The following RTL10 variants were observed in gnomAD, a reference collection of about 807,000 sequenced individuals.
RTL10 encodes protein Bop.
For synonymous variants in RTL10, 199 were observed against 188.4 expected (o/e 1.06, Z -0.46); for missense variants, 477 against 470.7 (o/e 1.01, Z -0.12).
Position 19,850,973 on chromosome 22 carries a change from G to A in RTL10, c.*194C>T, listed in dbSNP as rs891472316. On this transcript the variant is annotated 3_prime_UTR_variant, in exon 3 of 3. Coordinates refer to ENST00000328554, the MANE Select transcript of RTL10 (RefSeq NM_024627.6). ...CAGCAGCAGGGAAAGGGCACAGGGC[G>A]GAGGTCAAGCTCTGCTGGAGTTGGG... 2.6e-5 allele frequency: 37 copies of A among 1,406,114 alleles called. No homozygotes were observed. The highest frequency in any genetic ancestry group is 2.3e-4 in the East Asian group (9 of 39,122). 87.1% of individuals were successfully genotyped at this position (1,406,114 alleles called of 1,614,324 possible). A position where few individuals can be genotyped will look rare whatever the true frequency, so the allele number is the denominator to read the frequency against.
Position 19,849,560 on chromosome 22 carries a change from T to G in RTL10, c.*1607A>C, listed in dbSNP as rs1938047125. 1 of 419,418 alleles carries G rather than the reference T, an allele frequency of 2.4e-6. No homozygotes were observed. The highest frequency in any genetic ancestry group is 6.4e-5 in the Admixed American group (1 of 15,588). 26.0% of individuals were successfully genotyped at this position (419,418 alleles called of 1,614,324 possible). On this transcript the variant is annotated 3_prime_UTR_variant, in exon 3 of 3. Coordinates refer to ENST00000328554, the MANE Select transcript of RTL10 (RefSeq NM_024627.6). ...ATTTTGTATTTTTAGGAGAGATGGATTTCTCCATGCTGGTCAGGCTGGTCT... is the reference window on the plus strand; with the variant it reads ...ATTTTGTATTTTTAGGAGAGATGGAGTTCTCCATGCTGGTCAGGCTGGTCT...
chr22:19,854,199 G>A (rs1601361603), intron 2 of RTL10, among the ~76,000 whole-genome samples: 2 of 152,274 alleles, frequency 1.3e-5, no homozygotes, highest in African/African-American at 4.8e-5. Context: ...TTCTAGACTG[G>A]ACAGCACTAT....
chr22:19,847,494 C>T lies in RTL10; in HGVS notation c.*3673G>A, dbSNP rs1176266829. 3 of 985,294 alleles carry T rather than the reference C, an allele frequency of 3.0e-6. No homozygotes were observed. The African/African-American group carries it at 5.2e-5, about 17-fold the overall frequency. 61.0% of individuals were successfully genotyped at this position (985,294 alleles called of 1,614,324 possible). ...ATTCTCATTCAACCCTTCTAACCAC[C>T]CCATGAGGAAAAACTCTGGTCACAG... On this transcript the variant is annotated 3_prime_UTR_variant, in exon 3 of 3. Transcript: ENST00000328554.
In RTL10 at chr22:19,852,219, T is replaced by C. The variant is rs965973278; in HGVS notation, c.43A>G (p.Ile15Val). 6.2e-7 allele frequency: 1 copy of C among 1,613,086 alleles called. No individual in the cohort carries two copies. The highest frequency in any genetic ancestry group is 2.2e-5 in the East Asian group (1 of 44,856). ...RCRQQGPRIP[I>V]WAAANYANAH... ...TTGGCATAATTGGCGGCTGCCCAGA[T>C]GGGAATGCGAGGGCCCTGCTGACGG... Residue 15 changes from isoleucine (I) to valine (V), a missense_variant, in exon 3 of 3, where the codon ATC becomes GTC. Transcript: ENST00000328554.
Position 19,851,039 on chromosome 22 carries a change from T to C in RTL10, c.*128A>G, listed in dbSNP as rs549324793. On this transcript the variant is annotated 3_prime_UTR_variant, in exon 3 of 3. Coordinates refer to ENST00000328554, the MANE Select transcript of RTL10 (RefSeq NM_024627.6). ...CAGCGCAGAGTCCAAAACAAGCGCA[T>C]CTTGCCCAGCTATGGGGTCTGAAGT... The C allele has an allele frequency of 1.5e-4, 223 of 1,446,106 alleles. No homozygotes were observed. The African/African-American group carries it at 3.0e-3, about 19-fold the overall frequency. The allele number at this position is 1,446,106 out of a possible 1,614,324, so 89.6% of individuals were successfully genotyped here.
rs1938082447 is a variant in RTL10, at chr22:19,851,078, C to T, written c.*89G>A. The T allele has an allele frequency of 1.4e-6, 2 of 1,470,516 alleles. No individual in the cohort carries two copies. The highest frequency in any genetic ancestry group is 1.4e-5 in the African/African-American group (1 of 70,428). 91.1% of individuals were successfully genotyped at this position (1,470,516 alleles called of 1,614,324 possible). On this transcript the variant is annotated 3_prime_UTR_variant, in exon 3 of 3. Coordinates refer to ENST00000328554, the MANE Select transcript of RTL10 (RefSeq NM_024627.6). ...GGGGTCTGAAGTCATCTGGGGACACCACTCTGCTCTGACTGGGGACTATGG... is the reference window on the plus strand; with the variant it reads ...GGGGTCTGAAGTCATCTGGGGACACTACTCTGCTCTGACTGGGGACTATGG...
In RTL10 at chr22:19,851,917, G is replaced by A; in HGVS notation, c.345C>T (p.Asp115=). 1 of 1,614,120 alleles carries A rather than the reference G, an allele frequency of 6.2e-7. No homozygotes were observed. Among genetic ancestry groups the A allele is most frequent in the Non-Finnish European group, 8.5e-7 (1 of 1,180,008 alleles). Residue 115 remains aspartate, a synonymous_variant, in exon 3 of 3, where the codon GAC becomes GAT. Transcript: ENST00000328554. ...AATCGCCCAGCTGGGCCAAGAAGCG[G>A]TCCAGTAGCCACGGGGAGCCATCAA... The part of the protein sequence containing the change: ...GTFDGSPWLL[D]RFLAQLGDYM...
At position 19,851,455 on chromosome 22, in the gene RTL10, C is replaced by A; in HGVS notation, c.807G>T (p.Glu269Asp). 2 of 1,614,098 alleles carry A rather than the reference C, an allele frequency of 1.2e-6. No individual in the cohort carries two copies. The highest frequency in any genetic ancestry group is 1.7e-6 in the Non-Finnish European group (2 of 1,180,016). Residue 269 changes from glutamate (E) to aspartate (D), a missense_variant, in exon 3 of 3, where the codon GAG (glutamate) becomes GAT (aspartate). Coordinates refer to ENST00000328554, the MANE Select transcript of RTL10 (RefSeq NM_024627.6). ...LTKESTPGPK[E>D]PPVLPSSTCS... ...ATGTAGAACTGGGCAGGACTGGGGGCTCCTTGGGCCCAGGGGTGCTCTCCT... is the reference window on the plus strand; with the variant it reads ...ATGTAGAACTGGGCAGGACTGGGGGATCCTTGGGCCCAGGGGTGCTCTCCT...
rs531844094 is a variant in RTL10, at chr22:19,854,555, C to G, written c.-322-16G>C. The G allele has an allele frequency of 2.0e-5, 3 of 152,900 alleles. No homozygotes were observed. The highest frequency in any genetic ancestry group is 1.9e-4 in the East Asian group (1 of 5,176). The allele number at this position is 152,900 out of a possible 1,614,324, so 9.5% of individuals were successfully genotyped here. On this transcript the variant is annotated splice_polypyrimidine_tract_variant and intron_variant, in intron 1 of 2. Coordinates refer to ENST00000328554, the MANE Select transcript of RTL10 (RefSeq NM_024627.6). The stretch of plus-strand genomic sequence containing the variant: ...CAGGCGCCACCTAGAAAGTGGAGAA[C>G]GAGATCGGCCGCCGTGAGGCCAGGC...
chr22:19,847,819 A>G lies in RTL10; in HGVS notation c.*3348T>C. ...GAATCATAGGCAAAAAAAAAAAAAA[A>G]AAAAAATTCACCCATATTTTCCTCT... On this transcript the variant is annotated 3_prime_UTR_variant, in exon 3 of 3. Coordinates refer to ENST00000328554, the MANE Select transcript of RTL10 (RefSeq NM_024627.6). The G allele has an allele frequency of 1.1e-6, 1 of 943,638 alleles. No individual in the cohort carries two copies. The highest frequency in any genetic ancestry group is 1.3e-6 in the Non-Finnish European group (1 of 793,212). 58.5% of individuals were successfully genotyped at this position (943,638 alleles called of 1,614,324 possible).
In RTL10 at chr22:19,850,742, A is replaced by G. The variant is rs1044431441; in HGVS notation, c.*425T>C. On this transcript the variant is annotated 3_prime_UTR_variant, in exon 3 of 3. Coordinates refer to ENST00000328554, the MANE Select transcript of RTL10 (RefSeq NM_024627.6). The stretch of plus-strand genomic sequence containing the variant: ...GACAGACACAGAAACCCCATACAGG[A>G]ACGAGGTCCCAACAGGGCAGACGTG... 15 of 1,241,230 alleles carry G rather than the reference A, an allele frequency of 1.2e-5. No homozygotes were observed. The highest frequency in any genetic ancestry group is 1.5e-5 in the Non-Finnish European group (15 of 994,384). 76.9% of individuals were successfully genotyped at this position (1,241,230 alleles called of 1,614,324 possible). A position where few individuals can be genotyped will look rare whatever the true frequency, so the allele number is the denominator to read the frequency against.
rs148256752 is a variant in RTL10, at chr22:19,848,134, CTATTT to C, written c.*3028_*3032del. ...CATAGGACCTTATCCTTAGTACTTC[CTATTT>C]TAAAGTTTTCCTTGCAGACAGGTAC... On this transcript the variant is annotated 3_prime_UTR_variant, in exon 3 of 3. Transcript: ENST00000328554. 6.0e-3 allele frequency: 5,871 copies of C among 985,218 alleles called. 239 individuals are homozygous for C. The African/African-American group carries it at 0.089, about 15-fold the overall frequency. The allele number at this position is 985,218 out of a possible 1,614,324, so 61.0% of individuals were successfully genotyped here.
rs1348849430 is a variant in RTL10 at position 19,854,497 on chromosome 22, C to T, written c.-280G>A. On this transcript the variant is annotated 5_prime_UTR_variant, in exon 2 of 3. Coordinates refer to ENST00000328554, the MANE Select transcript of RTL10 (RefSeq NM_024627.6). The stretch of plus-strand genomic sequence containing the variant: ...GGTCCTGGGATCCGTAGCCACAGAC[C>T]GTGGGACGGGCCTCCCTCTGAGGGC... 6.5e-6 allele frequency: 1 copy of T among 152,702 alleles called. No individual in the cohort carries two copies. Among genetic ancestry groups the T allele is most frequent in the African/African-American group, 2.4e-5 (1 of 41,462 alleles). 9.5% of individuals were successfully genotyped at this position (152,702 alleles called of 1,614,324 possible). A position where few individuals can be genotyped will look rare whatever the true frequency, so the allele number is the denominator to read the frequency against.
chr22:19,854,823 C>G lies in RTL10; in HGVS notation c.-486G>C, dbSNP rs1601362276. ...GGGCTCCCGCCTCCACACTGACCCT[C>G]TTGCCGGAGTCGGGAACGCCTGCTC... On this transcript the variant is annotated 5_prime_UTR_variant, in exon 1 of 3. Coordinates refer to ENST00000328554, the MANE Select transcript of RTL10 (RefSeq NM_024627.6). 6.6e-6 allele frequency: 1 copy of G among 152,304 alleles called. No homozygotes were observed. Among genetic ancestry groups the G allele is most frequent in the Non-Finnish European group, 1.5e-5 (1 of 68,098 alleles). 9.4% of individuals were successfully genotyped at this position (152,304 alleles called of 1,614,324 possible). A position where few individuals can be genotyped will look rare whatever the true frequency, so the allele number is the denominator to read the frequency against.
chr22:19,851,217 C>G lies in RTL10; in HGVS notation c.1045G>C (p.Val349Leu), dbSNP rs1938086862. 1.9e-6 allele frequency: 3 copies of G among 1,597,368 alleles called. No homozygotes were observed. Among genetic ancestry groups the G allele is most frequent in the Admixed American group, 1.8e-5 (1 of 56,944 alleles). ...TCTCCTGGGGTCTCCGGGGCCTCCA[C>G]CACCTCCTGTGGGGTACCTAAGGAC... is the stretch of plus-strand genomic sequence containing the variant. ...EVSLGTPQEVVEAPETPGEPP... is the reference protein window; with the variant it reads ...EVSLGTPQEVLEAPETPGEPP... The change falls in exon 3 of 3, where the codon GTG (valine) becomes CTG (leucine). Residue 349 changes from valine to leucine, a missense_variant. Transcript: ENST00000328554.
chr22:19,850,402 G>A lies in RTL10; in HGVS notation c.*765C>T. Reference sequence around the variant, plus strand: ...TCCGCAATGCATGCGAGTGCGGAGTGAGCAGGGGATGGCAGCACAGCAGCA... The same window carrying A: ...TCCGCAATGCATGCGAGTGCGGAGTAAGCAGGGGATGGCAGCACAGCAGCA... On this transcript the variant is annotated 3_prime_UTR_variant, in exon 3 of 3. Transcript: ENST00000328554. 2.0e-6 allele frequency: 2 copies of A among 990,338 alleles called. No individual in the cohort carries two copies. Among genetic ancestry groups the A allele is most frequent in the South Asian group, 4.7e-5 (1 of 21,346 alleles). 61.3% of individuals were successfully genotyped at this position (990,338 alleles called of 1,614,324 possible). A position where few individuals can be genotyped will look rare whatever the true frequency, so the allele number is the denominator to read the frequency against.
Position 19,846,547 on chromosome 22 carries a change from A to G in RTL10, c.*4620T>C, listed in dbSNP as rs1393990011. The G allele has an allele frequency of 1.0e-6, 1 of 985,340 alleles. No homozygotes were observed. The highest frequency in any genetic ancestry group is 1.7e-5 in the African/African-American group (1 of 57,224). 61.0% of individuals were successfully genotyped at this position (985,340 alleles called of 1,614,324 possible). On this transcript the variant is annotated 3_prime_UTR_variant, in exon 3 of 3. Transcript: ENST00000328554. ...CGCTGCCAGGAACAGCAAAGACAAA[A>G]CCAGAGAAGCCTATCGCGGGCACCG...
At chr22:19,853,524 CG>C (rs1840040641) in intron 2 of RTL10, among the ~76,000 whole-genome samples, 1 of 152,192 alleles carries the variant, frequency 6.6e-6, no homozygotes, top group South Asian at 2.1e-4. Context: ...CACACACAAA[CG>C]CCACCGGCTC....
rs1555904044 is a variant in RTL10 at position 19,852,002 on chromosome 22, G to C, written c.260C>G (p.Pro87Arg). The C allele has an allele frequency of 1.2e-6, 2 of 1,614,196 alleles. No individual in the cohort carries two copies. The highest frequency in any genetic ancestry group is 2.2e-5 in the South Asian group (2 of 91,084). The change falls in exon 3 of 3, where the codon CCC (proline) becomes CGC (arginine). Residue 87 changes from proline to arginine, a missense_variant. Coordinates refer to ENST00000328554, the MANE Select transcript of RTL10 (RefSeq NM_024627.6). ...AERGPLAGHM[P>R]SSRPHRVDFC... ...GTCCACCCTGTGGGGTCGGGAGCTG[G>C]GCATGTGCCCAGCTAGGGGACCCCT...
Sources: allele counts gnomAD v4.1 joint callset (sites outside exome capture counted in the v4.1 genomes callset), GRCh38; gene constraint gnomAD v4.1.1; transcripts MANE v1.5; gene names NCBI Gene and HGNC (gene_info 2026-07-23, HGNC 2026-07-21).